TK2: variants seen among roughly 807,000 people sequenced by gnomAD.
The protein encoded by TK2 is thymidine kinase 2.
TK2 carries 35 observed loss-of-function variants against 41.9 expected under a neutral mutation model. That is an observed-to-expected ratio of 0.84 (90% confidence interval 0.64 to 1.11). The LOEUF is 1.11. Ranked by LOEUF, TK2 falls within the 50% of genes least tolerant of loss-of-function variation. The pLI, the probability that TK2 is intolerant of heterozygous loss-of-function variation, is 0.00. For missense variants in TK2, 320 were observed against 351.1 expected, an observed-to-expected ratio of 0.91 and a Z score of 0.71; for synonymous variants, 128 against 129.1, an observed-to-expected ratio of 0.99 and a Z score of 0.06.
intron 2 of TK2, chr16:66,548,144 C>T (rs1965665611): frequency 1.7e-5 from 7 of 403,900 alleles, no homozygotes; most frequent in Admixed American, 1.0e-4. Flanking sequence ...CTATGGCACC[C>T]GCTGGCATAT....
chr16:66,533,321 G>C (rs1965175874), intron 4 of TK2, among the ~76,000 whole-genome samples: 1 of 123,036 alleles, frequency 8.1e-6, no homozygotes, highest in Non-Finnish European at 1.6e-5. Flanking sequence ...GGGTGACAGA[G>C]CGAGACTCCA....
At chr16:66,538,028 T>C (rs757692672) in intron 3 of TK2, among the ~76,000 whole-genome samples, 1 of 152,102 alleles carries the variant, frequency 6.6e-6, no homozygotes, top group Non-Finnish European at 1.5e-5. Flanking sequence ...CCGGATGTAG[T>C]GGTGCATGCC....
chr16:66,537,161 T>G, intron 3 of TK2, 144 bp from the exon 4 acceptor site: 1 of 907,966 alleles, frequency 1.1e-6, no homozygotes, highest in Non-Finnish European at 1.8e-6. Context: ...TAGGCCAAAA[T>G]AGCTGACAAC....
chr16:66,549,368 G>A (rs1005761960), intron 1 of TK2: 17 of 1,135,520 alleles, frequency 1.5e-5, no homozygotes, highest in Middle Eastern at 3.9e-4. Context: ...GGCGGACGTG[G>A]TTTTGGGCCT....
In TK2 at chr16:66,512,085, G is replaced by A. The variant is rs780831882; in HGVS notation, c.700-19C>T. 1.6e-5 allele frequency: 26 copies of A among 1,608,144 alleles called. No homozygotes were observed. The highest frequency in any genetic ancestry group is 2.0e-5 in the Non-Finnish European group (24 of 1,174,688). On this transcript the variant is annotated intron_variant, in intron 9 of 9. Coordinates refer to ENST00000544898, the MANE Select transcript of TK2 (RefSeq NM_004614.5). ...CAATCACCTGGAAATTAGACACATG[G>A]GTCACAAGGCTGCACTGACCTCAGC...
intron 3 of TK2, among the ~76,000 whole-genome samples, chr16:66,537,250 T>C (rs1387433126): frequency 6.6e-6 from 1 of 152,200 alleles, no homozygotes; most frequent in East Asian, 1.9e-4. Context: ...ACTCTATCCA[T>C]GTTACCCAAT....
rs545155527 is a variant in TK2, at chr16:66,514,520, C to T, written c.619-709G>A. Among the ~76,000 whole-genome samples the T allele has an allele frequency of 6.6e-6, 1 of 152,324 alleles. No homozygotes were observed. The highest frequency in any genetic ancestry group is 2.4e-5 in the African/African-American group (1 of 41,580). ...TTGGCCTCCCAAAGTGCCGAGATTG[C>T]AGCCTCTGCCCGGCTGCCACCCCGT... On this transcript the variant is annotated intron_variant, in intron 8 of 9. Transcript: ENST00000544898. The surrounding 1 kb of genome is among the most constrained non-coding windows in gnomAD (Gnocchi z 4.2).
At chr16:66,546,201 G>C (rs1965602390) in intron 2 of TK2, among the ~76,000 whole-genome samples, 1 of 152,108 alleles carries the variant, frequency 6.6e-6, no homozygotes, top group African/African-American at 2.4e-5. Flanking sequence ...CTGTCCTCCA[G>C]CCTGGACAAC....
In TK2 at chr16:66,508,761, G is replaced by C. The variant is rs1597067971; in HGVS notation, c.*3207C>G. 3 of 152,266 alleles carry C rather than the reference G, an allele frequency of 2.0e-5. No homozygotes were observed. The highest frequency in any genetic ancestry group is 7.2e-5 in the African/African-American group (3 of 41,458). 9.4% of individuals were successfully genotyped at this position (152,266 alleles called of 1,614,324 possible). A position where few individuals can be genotyped will look rare whatever the true frequency, so the allele number is the denominator to read the frequency against. ...AGGCGGGGGGACACTTCTCATCTAG[G>C]TAAAGGGCTCCTACGGAAATGAAAG... On this transcript the variant is annotated 3_prime_UTR_variant, in exon 10 of 10. Transcript: ENST00000544898.
intron 6 of TK2, among the ~76,000 whole-genome samples, chr16:66,520,211 G>C (rs989502071): frequency 6.6e-6 from 1 of 152,184 alleles, no homozygotes; most frequent in Non-Finnish European, 1.5e-5. Flanking sequence ...CAGCATTGCA[G>C]AGGGGACTCC....
intron 8 of TK2, among the ~76,000 whole-genome samples, chr16:66,515,036 G>A (rs942456248): frequency 2.6e-5 from 4 of 151,986 alleles, no homozygotes; most frequent in African/African-American, 4.8e-5. Flanking sequence ...TGCGGAAGGC[G>A]GCAGGGCCCT....
At chr16:66,548,504 A>C (rs577494534) in intron 2 of TK2, among the ~76,000 whole-genome samples, 1 of 152,128 alleles carries the variant, frequency 6.6e-6, no homozygotes, top group Non-Finnish European at 1.5e-5. Flanking sequence ...CCCAGCCCAG[A>C]GCCAGCATCT....
chr16:66,529,149 C>T (rs1380205085), intron 5 of TK2, 82 bp from the exon 6 acceptor site: 22 of 1,322,026 alleles, frequency 1.7e-5, no homozygotes, highest in African/African-American at 4.3e-5. Context: ...TGTTACTCCC[C>T]CTGCCTGGGG....
At chr16:66,545,456 C>G (rs61697982) in intron 2 of TK2, among the ~76,000 whole-genome samples, 10,486 of 152,212 alleles carry the variant, frequency 0.069, 520 homozygotes, top group South Asian at 0.17. Context: ...ACTACAGCCA[C>G]GCCATGAATA....
At chr16:66,531,798 A>G (rs1303630228) in intron 4 of TK2, among the ~76,000 whole-genome samples, 1 of 152,226 alleles carries the variant, frequency 6.6e-6, no homozygotes, top group African/African-American at 2.4e-5. Flanking sequence ...ATGATCTTAC[A>G]CTTAGAAAAG....
rs1264355157 is a variant in TK2 at position 66,517,722 on chromosome 16, A to T, written c.538+67T>A. On this transcript the variant is annotated intron_variant, in intron 7 of 9. Coordinates refer to ENST00000544898, the MANE Select transcript of TK2 (RefSeq NM_004614.5). The surrounding 1 kb of genome is among the most constrained non-coding windows in gnomAD (Gnocchi z 4.3). ...CCACTGCCCCCAAGGGTTGGGGCCC[A>T]GCCAAGCACATCCTCAAGGGACCCA... The T allele has an allele frequency of 6.6e-7, 1 of 1,511,404 alleles. No homozygotes were observed. Among genetic ancestry groups the T allele is most frequent in the Admixed American group, 1.7e-5 (1 of 59,856 alleles). 93.6% of individuals were successfully genotyped at this position (1,511,404 alleles called of 1,614,324 possible).
At chr16:66,513,050 C>G (rs1458445538) in intron 9 of TK2, among the ~76,000 whole-genome samples, 2 of 152,222 alleles carry the variant, frequency 1.3e-5, no homozygotes, top group East Asian at 3.9e-4. Flanking sequence ...TCGGAGGGAC[C>G]CCAGACTCCG....
intron 6 of TK2, among the ~76,000 whole-genome samples, chr16:66,525,148 G>A (rs573110033): frequency 6.6e-6 from 1 of 152,272 alleles, no homozygotes; most frequent in African/African-American, 2.4e-5. Flanking sequence ...AGATGCCCCC[G>A]TTTCCAGGGA....
upstream of TK2, chr16:66,550,135 G>T: frequency 4.3e-6 from 7 of 1,612,432 alleles, no homozygotes; most frequent in Non-Finnish European, 5.1e-6. Flanking sequence ...TAGTCCAGCC[G>T]TTGGGCGCCG....
Sources: gnomAD v4.1 joint callset for allele counts (sites outside exome capture counted in the v4.1 genomes callset) on GRCh38, gnomAD v4.1.1 for gene constraint, Gnocchi (gnomAD v3.1) non-coding constraint, MANE v1.5 for transcripts, NCBI Gene and HGNC (gene_info 2026-07-23, HGNC 2026-07-21) for gene names.